IGSF10: variants seen among roughly 807,000 people sequenced by gnomAD.
IGSF10 encodes immunoglobulin superfamily member 10.
Under a neutral mutation model 128.2 loss-of-function variants are expected in IGSF10, and 126 were observed. The ratio of observed to expected loss-of-function variants is 0.98; its 90% CI spans 0.85 to 1.14. The LOEUF is 1.14. Among genes scored for constraint, IGSF10 ranks in the 50% most tolerant of loss-of-function variants. IGSF10 has a pLI of 0.00. For missense variants in IGSF10, 3,295 were observed against 3,149.8 expected, an observed-to-expected ratio of 1.05 and a Z score of -1.10; for synonymous variants, 1,185 against 1,146.2, an observed-to-expected ratio of 1.03 and a Z score of -0.68.
At chr3:151,545,368 C>G in the IGSF10 span, among the ~76,000 whole-genome samples, 1 of 152,220 alleles carries the variant, frequency 6.6e-6, no homozygotes, top group East Asian at 1.9e-4. Context: ...GTAGGAGATA[C>G]TAAGAGATTT....
chr3:151,583,727 A>C, the IGSF10 span, among the ~76,000 whole-genome samples: 3 of 152,260 alleles, frequency 2.0e-5, no homozygotes, highest in Non-Finnish European at 2.9e-5. Context: ...AAGTATAATA[A>C]TAAATAAATA....
At chr3:151,539,295 G>T in the IGSF10 span, among the ~76,000 whole-genome samples, 1 of 152,160 alleles carries the variant, frequency 6.6e-6, no homozygotes, top group South Asian at 2.1e-4. Flanking sequence ...ATGCAGACGT[G>T]AACTTTCGCA....
At chr3:151,505,679 C>A in the IGSF10 span, among the ~76,000 whole-genome samples, 1 of 152,192 alleles carries the variant, frequency 6.6e-6, no homozygotes, top group Non-Finnish European at 1.5e-5. Context: ...CAACACTGCA[C>A]TGAATTGCAT....
chr3:151,563,670 G>T, the IGSF10 span, among the ~76,000 whole-genome samples: 1 of 152,082 alleles, frequency 6.6e-6, no homozygotes, highest in African/African-American at 2.4e-5. Context: ...GCACTGGAGA[G>T]AATTTGGTTT....
chr3:151,440,629 C>T (rs1406791707), intron 7 of IGSF10: 12 of 456,612 alleles, frequency 2.6e-5, no homozygotes, highest in South Asian at 1.9e-4. Context: ...GCTATACTGG[C>T]ATTCTTTCCT....
chr3:151,540,023 G>T, the IGSF10 span, among the ~76,000 whole-genome samples: 1 of 151,980 alleles, frequency 6.6e-6, no homozygotes, highest in African/African-American at 2.4e-5. Context: ...GGGCGTCAGT[G>T]GTGTCATTTT....
At chr3:151,535,946 G>A in the IGSF10 span, among the ~76,000 whole-genome samples, 1 of 152,174 alleles carries the variant, frequency 6.6e-6, no homozygotes, top group South Asian at 2.1e-4. Context: ...TGGAGCTCCA[G>A]CTGCAGCTTC....
chr3:151,455,360 C>A (rs894840622), intron 4 of IGSF10, among the ~76,000 whole-genome samples: 1 of 151,650 alleles, frequency 6.6e-6, no homozygotes, highest in Non-Finnish European at 1.5e-5. Context: ...GATCTGCCCC[C>A]CCTTGGCCTC....
At chr3:151,511,875 A>G in the IGSF10 span, among the ~76,000 whole-genome samples, 2 of 152,238 alleles carry the variant, frequency 1.3e-5, no homozygotes, top group Non-Finnish European at 2.9e-5. Context: ...GAAGGCCATT[A>G]CATAATGGTA....
Position 151,453,511 on chromosome 3 carries a change from G to A in IGSF10, c.588C>T (p.Phe196=), listed in dbSNP as rs1436776973. ...CCATCTCTTGAGGGAGGGAGGTCAG[G>A]AAGTTATCAGACAAGTATAGGAACT... ...FIKFLYLSDN[F]LTSLPQEMVS... Residue 196 remains phenylalanine, a synonymous_variant, in exon 5 of 8, where the codon TTC becomes TTT. Transcript: ENST00000282466. The A allele has an allele frequency of 8.7e-6, 14 of 1,614,138 alleles. No homozygotes were observed. Among genetic ancestry groups the A allele is most frequent in the Non-Finnish European group, 1.1e-5 (13 of 1,179,972 alleles).
chr3:151,574,628 T>C, the IGSF10 span, among the ~76,000 whole-genome samples: 9 of 152,220 alleles, frequency 5.9e-5, no homozygotes, highest in African/African-American at 1.4e-4. Flanking sequence ...CTAATCTTTT[T>C]TCAAGGTTTT....
At chr3:151,471,027 T>TC in the IGSF10 span, among the ~76,000 whole-genome samples, 1 of 152,106 alleles carries the variant, frequency 6.6e-6, no homozygotes, top group Non-Finnish European at 1.5e-5. Flanking sequence ...TAGCTCTGTG[T>TC]CCCCACCGAA....
the IGSF10 span, among the ~76,000 whole-genome samples, chr3:151,534,460 A>C: frequency 6.6e-6 from 1 of 152,346 alleles, no homozygotes; most frequent in East Asian, 1.9e-4. Flanking sequence ...TACACCATGG[A>C]ATACTATGCA....
At chr3:151,576,076 G>A in the IGSF10 span, among the ~76,000 whole-genome samples, 1 of 151,934 alleles carries the variant, frequency 6.6e-6, no homozygotes, top group Non-Finnish European at 1.5e-5. Context: ...TAGGTTTGAT[G>A]TGTGCGTGTT....
At chr3:151,461,632 A>G (rs1292922371), upstream of IGSF10, 1 of 157,928 alleles carries the variant, frequency 6.3e-6, no homozygotes, top group Non-Finnish European at 1.4e-5. Context: ...TTTAGCAAGA[A>G]TCCCAAATAC....
chr3:151,482,243 AC>A, the IGSF10 span, among the ~76,000 whole-genome samples: 1 of 152,206 alleles, frequency 6.6e-6, no homozygotes, highest in African/African-American at 2.4e-5. Flanking sequence ...AAAATTCAAA[AC>A]AATGATCTTA....
At chr3:151,577,447 T>G in the IGSF10 span, among the ~76,000 whole-genome samples, 1 of 152,214 alleles carries the variant, frequency 6.6e-6, no homozygotes, top group Admixed American at 6.5e-5. Context: ...ATGAGCTTTA[T>G]GTTGTGTCAC....
downstream of IGSF10, chr3:151,433,161 CATT>C (rs1719720764): frequency 5.8e-6 from 1 of 172,428 alleles, no homozygotes; most frequent in Non-Finnish European, 1.2e-5. Context: ...GTATTTCATT[CATT>C]AATGATGACG....
the IGSF10 span, among the ~76,000 whole-genome samples, chr3:151,575,943 G>A: frequency 6.6e-6 from 1 of 152,068 alleles, no homozygotes; most frequent in Non-Finnish European, 1.5e-5. Context: ...ATGTCCATTT[G>A]AAAATAAGGC....
Sources: allele counts gnomAD v4.1 joint callset (sites outside exome capture counted in the v4.1 genomes callset), GRCh38; gene constraint gnomAD v4.1.1; transcripts MANE v1.5; gene names NCBI Gene and HGNC (gene_info 2026-07-23, HGNC 2026-07-21).